The following ADGRL1 variants were observed in gnomAD, a reference collection of about 807,000 sequenced individuals.
ADGRL1 encodes CIRL-1.
A neutral mutation model predicts 148.9 loss-of-function variants in ADGRL1; 31 were observed. The ratio of observed to expected loss-of-function variants is 0.21; its 90% CI spans 0.16 to 0.28. ADGRL1 has a LOEUF of 0.28. Among genes scored for constraint, ADGRL1 ranks in the 10% least tolerant of loss-of-function variants. The probability of loss-of-function intolerance (pLI) is 1.00; values close to 1 mark genes in which losing one functional copy is unlikely to be tolerated. For synonymous variants in ADGRL1, 937 were observed against 900.3 expected (o/e 1.04, Z -0.73); for missense variants, 1,521 against 2,058.8 (o/e 0.74, Z 5.05).
At chr19:14,178,279 C>A (rs1970955602) in intron 2 of ADGRL1, among the ~76,000 whole-genome samples, 2 of 152,130 alleles carry the variant, frequency 1.3e-5, no homozygotes, top group African/African-American at 4.8e-5. Flanking sequence ...CAGAGGTGGG[C>A]AAATCGCCTG....
At chr19:14,189,506 GGCTGTGAGCC>G (rs1309129381) in intron 1 of ADGRL1, among the ~76,000 whole-genome samples, 2 of 152,084 alleles carry the variant, frequency 1.3e-5, no homozygotes, top group Non-Finnish European at 2.9e-5. Flanking sequence ...CTGGGATTAC[GGCTGTGAGCC>G]ACCATTCCTG....
intron 22 of ADGRL1, 42 bp from the exon 23 acceptor site, chr19:14,151,657 T>TG (rs1315312619): frequency 2.0e-6 from 3 of 1,534,468 alleles, no homozygotes; most frequent in Non-Finnish European, 2.6e-6. Context: ...AGAGGGGCCC[T>TG]GGATGCACTA....
chr19:14,170,496 G>C (rs918664284), intron 4 of ADGRL1, 186 bp downstream of exon 4: 10 of 535,774 alleles, frequency 1.9e-5, no homozygotes, highest in Non-Finnish European at 3.0e-5. Context: ...AGGCGGGGGA[G>C]CAGGCACTGA....
chr19:14,158,591 C>T, intron 11 of ADGRL1, 39 bp from the exon 12 acceptor site: 1 of 1,520,782 alleles, frequency 6.6e-7, no homozygotes, highest in Non-Finnish European at 9.1e-7. Flanking sequence ...TCAGCATCCT[C>T]AGCTGGCGCA....
At chr19:14,197,272 T>TAAATA (rs1266849925) in intron 1 of ADGRL1, among the ~76,000 whole-genome samples, 2 of 151,936 alleles carry the variant, frequency 1.3e-5, no homozygotes, top group Non-Finnish European at 1.5e-5. Context: ...ACTCCGTCTC[T>TAAATA]AAATAAAATA....
At position 14,152,659 on chromosome 19, in the gene ADGRL1, C is replaced by T. The variant is rs747558269; in HGVS notation, c.3424-46G>A. The T allele has an allele frequency of 1.2e-6, 2 of 1,602,902 alleles. No individual in the cohort carries two copies. The highest frequency in any genetic ancestry group is 1.7e-5 in the Admixed American group (1 of 59,758). On this transcript the variant is annotated intron_variant, in intron 19 of 22. Coordinates refer to ENST00000361434, the MANE Select transcript of ADGRL1 (RefSeq NM_014921.5). This position sits in a 1 kb window ranked among gnomAD's most constrained non-coding sequence, Gnocchi z 6.1. ...TGAGGGGATCCTTGGGCCACCCACCCTCTGGCGTCTTTCTGAGACTGCTCA... is the reference window on the plus strand; with the variant it reads ...TGAGGGGATCCTTGGGCCACCCACCTTCTGGCGTCTTTCTGAGACTGCTCA...
intron 1 of ADGRL1, among the ~76,000 whole-genome samples, chr19:14,201,674 C>T (rs2145182312): frequency 6.6e-6 from 1 of 152,266 alleles, no homozygotes; most frequent in South Asian, 2.1e-4. Context: ...CCTCGGCTTC[C>T]CAACATTCTG....
chr19:14,192,709 C>A (rs1453584708), intron 1 of ADGRL1, among the ~76,000 whole-genome samples: 2 of 152,004 alleles, frequency 1.3e-5, no homozygotes, highest in Admixed American at 1.3e-4. Flanking sequence ...GGCCACCACA[C>A]CTGGCTAATT....
In ADGRL1 at chr19:14,161,501, C is replaced by T. The variant is rs536884251; in HGVS notation, c.1321G>A (p.Ala441Thr). ...AGATCAGGTCCCAGCTGGTTGATGG[C>T]ACCCACTGGGTGCGTGGTGAGGGGT... Reference protein sequence around the residue: ...RAPLTTHPVGAINQLGPDLPP... With the variant: ...RAPLTTHPVGTINQLGPDLPP... Residue 441 changes from alanine (A) to threonine (T), a missense_variant, in exon 6 of 23, where the codon GCC becomes ACC. Physicochemically the swap from Ala to Thr is moderately conservative, Grantham distance 58 (BLOSUM62 0). This residue lies in a region of ADGRL1 where 270 missense variants were observed against 320.4 expected (regional missense o/e 0.84). Coordinates refer to ENST00000361434, the MANE Select transcript of ADGRL1 (RefSeq NM_014921.5). The surrounding 1 kb of genome is among the most constrained non-coding windows in gnomAD (Gnocchi z 4.4). 3.2e-5 allele frequency: 46 copies of T among 1,439,906 alleles called. 3 individuals are homozygous for T. In the South Asian group the frequency reaches 6.1e-4, roughly 19 times the overall value. The allele number at this position is 1,439,906 out of a possible 1,614,324, so 89.2% of individuals were successfully genotyped here.
chr19:14,155,119 C>T lies in ADGRL1; in HGVS notation c.3294+240G>A. On this transcript the variant is annotated intron_variant, in intron 18 of 22. Coordinates refer to ENST00000361434, the MANE Select transcript of ADGRL1 (RefSeq NM_014921.5). The surrounding 1 kb of genome is among the most constrained non-coding windows in gnomAD (Gnocchi z 5.0). ...CCCATTACCAAATCTGTTCTGCTCT[C>T]ACTCCTCTAAGTTGCTGTATCTTGT... 2 of 351,686 alleles carry T rather than the reference C, an allele frequency of 5.7e-6. No individual in the cohort carries two copies. The highest frequency in any genetic ancestry group is 1.1e-4 in the East Asian group (2 of 18,340). The allele number at this position is 351,686 out of a possible 1,614,324, so 21.8% of individuals were successfully genotyped here.
rs1286331257 is a variant in ADGRL1, at chr19:14,160,524, G to A, written c.1614+69C>T. 2.7e-5 allele frequency: 32 copies of A among 1,198,182 alleles called. No homozygotes were observed. Among genetic ancestry groups the A allele is most frequent in the African/African-American group, 1.1e-4 (7 of 65,642 alleles). The allele number at this position is 1,198,182 out of a possible 1,614,324, so 74.2% of individuals were successfully genotyped here. A position where few individuals can be genotyped will look rare whatever the true frequency, so the allele number is the denominator to read the frequency against. ...GCCCATGTCTCCCCAGCTGCTCCAC[G>A]ACCCCCGCTGGGCCCTGGGCCCTGG... is the stretch of plus-strand genomic sequence containing the variant. On this transcript the variant is annotated intron_variant, in intron 7 of 22. Coordinates refer to ENST00000361434, the MANE Select transcript of ADGRL1 (RefSeq NM_014921.5). The surrounding 1 kb of genome is among the most constrained non-coding windows in gnomAD (Gnocchi z 5.9).
chr19:14,164,688 G>A (rs1185733269), intron 4 of ADGRL1: 2 of 87,294 alleles, frequency 2.3e-5, no homozygotes, highest in Non-Finnish European at 4.8e-5. Context: ...GGGGGGCCCC[G>A]CCCCACCCCC....
chr19:14,197,507 T>C (rs1972336363), intron 1 of ADGRL1, among the ~76,000 whole-genome samples: 1 of 152,184 alleles, frequency 6.6e-6, no homozygotes, highest in Non-Finnish European at 1.5e-5. Flanking sequence ...CTATTGCCTG[T>C]GATGCTCTAA....
chr19:14,162,544 T>G lies in ADGRL1; in HGVS notation c.1195+62A>C. The G allele has an allele frequency of 2.1e-6, 3 of 1,448,448 alleles. No homozygotes were observed. Among genetic ancestry groups the G allele is most frequent in the South Asian group, 2.6e-5 (2 of 78,148 alleles). The allele number at this position is 1,448,448 out of a possible 1,614,324, so 89.7% of individuals were successfully genotyped here. Reference sequence around the variant, plus strand: ...GGCTCCCCACTCTGGGACCCAGGGGTGGGTGGGGGTGGAGGGGACAAAGGC... The same window carrying G: ...GGCTCCCCACTCTGGGACCCAGGGGGGGGTGGGGGTGGAGGGGACAAAGGC... On this transcript the variant is annotated intron_variant, in intron 5 of 22. Coordinates refer to ENST00000361434, the MANE Select transcript of ADGRL1 (RefSeq NM_014921.5). The surrounding 1 kb of genome is among the most constrained non-coding windows in gnomAD (Gnocchi z 5.4).
chr19:14,195,958 C>T (rs1972231378), intron 1 of ADGRL1, among the ~76,000 whole-genome samples: 2 of 152,110 alleles, frequency 1.3e-5, no homozygotes, highest in East Asian at 3.9e-4. Flanking sequence ...GGACAGTCAT[C>T]CTGGATCCCT....
chr19:14,171,454 T>G (rs1463041294), intron 3 of ADGRL1, among the ~76,000 whole-genome samples: 1 of 152,228 alleles, frequency 6.6e-6, no homozygotes, highest in East Asian at 1.9e-4. Flanking sequence ...AACAGTGCTT[T>G]CCTGGCCACC....
In ADGRL1 at chr19:14,162,577, C is replaced by T. The variant is rs775328272; in HGVS notation, c.1195+29G>A. 5.7e-6 allele frequency: 9 copies of T among 1,571,510 alleles called. No individual in the cohort carries two copies. On this transcript the variant is annotated intron_variant, in intron 5 of 22. Transcript: ENST00000361434. This position sits in a 1 kb window ranked among gnomAD's most constrained non-coding sequence, Gnocchi z 5.4. ...GGTGGAGGGGACAAAGGCAAGCAGG[C>T]TCCATGCCTGGAAGTGAGTCGTCCT...
intron 1 of ADGRL1, among the ~76,000 whole-genome samples, chr19:14,191,816 C>T (rs2145107580): frequency 6.6e-6 from 1 of 152,176 alleles, no homozygotes; most frequent in South Asian, 2.1e-4. Context: ...CCGCCTCAGC[C>T]TCCTGAGTAG....
At chr19:14,187,606 C>G (rs1398888949) in intron 1 of ADGRL1, among the ~76,000 whole-genome samples, 1 of 149,538 alleles carries the variant, frequency 6.7e-6, no homozygotes, top group Non-Finnish European at 1.5e-5. Flanking sequence ...GCGTCTCCCC[C>G]CACATCCCTG....
Sources: allele counts gnomAD v4.1 joint callset (sites outside exome capture counted in the v4.1 genomes callset), GRCh38; gene constraint gnomAD v4.1.1; regional missense constraint gnomAD v4.1.1; non-coding constraint Gnocchi (gnomAD v3.1); transcripts MANE v1.5; gene names NCBI Gene and HGNC (gene_info 2026-07-23, HGNC 2026-07-21).